CYP39A1: variants seen among roughly 807,000 people sequenced by gnomAD.
The protein encoded by CYP39A1 is 24-hydroxycholesterol 7-alpha-hydroxylase.
CYP39A1 carries 49 observed loss-of-function variants against 58.1 expected under a neutral mutation model. The observed-to-expected ratio is 0.84, with a 90% CI of 0.67 to 1.07. The LOEUF is 1.07. CYP39A1 is among the 50% of genes least tolerant of loss of function. CYP39A1 has a pLI of 0.00. For missense variants in CYP39A1, 531 were observed against 539.4 expected (o/e 0.98, Z 0.16); for synonymous variants, 209 against 187.6 (o/e 1.11, Z -0.93).
intron 6 of CYP39A1, among the ~76,000 whole-genome samples, chr6:46,628,831 C>T (rs889402619): frequency 1.2e-4 from 19 of 152,230 alleles, no homozygotes; most frequent in African/African-American, 3.4e-4. Context: ...TCAGTATTAA[C>T]GGGCCATTGA....
chr6:46,630,568 T>C (rs1363938322), intron 6 of CYP39A1, among the ~76,000 whole-genome samples: 1 of 152,124 alleles, frequency 6.6e-6, no homozygotes, highest in Non-Finnish European at 1.5e-5. Flanking sequence ...CCTGAAACTA[T>C]CCATTTACTT....
chr6:46,614,901 T>A (rs890483910), intron 7 of CYP39A1, among the ~76,000 whole-genome samples: 4 of 152,184 alleles, frequency 2.6e-5, no homozygotes, highest in Non-Finnish European at 4.4e-5. Flanking sequence ...TCAAGTGCAT[T>A]GTGGCCACTG....
At chr6:46,639,325 G>A (rs1776181776) in intron 3 of CYP39A1, among the ~76,000 whole-genome samples, 169 bp downstream of exon 3, 2 of 134,634 alleles carry the variant, frequency 1.5e-5, no homozygotes, top group South Asian at 4.6e-4. Flanking sequence ...GACAGAGCGA[G>A]ACTCTATCTC....
intron 8 of CYP39A1, among the ~76,000 whole-genome samples, chr6:46,593,403 G>A (rs927258968): frequency 2.0e-5 from 3 of 151,950 alleles, no homozygotes; most frequent in Admixed American, 2.0e-4. Context: ...TTAAAAGACC[G>A]TGGAAGAGCT....
intron 10 of CYP39A1, among the ~76,000 whole-genome samples, chr6:46,557,768 C>T (rs1770731863): frequency 6.6e-6 from 1 of 150,994 alleles, no homozygotes; most frequent in Admixed American, 6.6e-5. Flanking sequence ...GAAATCCCAT[C>T]TCTACTAAAA....
intron 11 of CYP39A1, among the ~76,000 whole-genome samples, chr6:46,553,063 A>G (rs935758124): frequency 1.3e-4 from 11 of 84,882 alleles, no homozygotes; most frequent in African/African-American, 4.8e-4. Flanking sequence ...ATAAAAAACA[A>G]CCCCCCAACC....
chr6:46,631,561 T>C (rs1282958937), intron 5 of CYP39A1, among the ~76,000 whole-genome samples: 2 of 152,206 alleles, frequency 1.3e-5, no homozygotes, highest in African/African-American at 2.4e-5. Context: ...CCCTGTCTTA[T>C]AAACCTCTGC....
chr6:46,558,442 C>T (rs1770775312), intron 10 of CYP39A1, among the ~76,000 whole-genome samples: 2 of 152,036 alleles, frequency 1.3e-5, no homozygotes, highest in Admixed American at 1.3e-4. Context: ...CATCATATCT[C>T]GTGAGAACTC....
At chr6:46,603,127 G>T (rs990652641) in intron 7 of CYP39A1, among the ~76,000 whole-genome samples, 4 of 152,080 alleles carry the variant, frequency 2.6e-5, no homozygotes, top group African/African-American at 7.2e-5. Context: ...CATAGCATAG[G>T]GTATGAGTTG....
At chr6:46,591,260 T>C (rs1448901374) in intron 8 of CYP39A1, among the ~76,000 whole-genome samples, 1 of 152,128 alleles carries the variant, frequency 6.6e-6, no homozygotes, top group Non-Finnish European at 1.5e-5. Context: ...ACTTTTATGT[T>C]CTGTCCTGAT....
chr6:46,634,221 A>G (rs1775826828), intron 5 of CYP39A1, among the ~76,000 whole-genome samples: 1 of 152,072 alleles, frequency 6.6e-6, no homozygotes, highest in Non-Finnish European at 1.5e-5. Context: ...TACAAAGGGA[A>G]GTTTCCCCAC....
chr6:46,571,760 T>G (rs560257323), intron 10 of CYP39A1, among the ~76,000 whole-genome samples: 1 of 152,084 alleles, frequency 6.6e-6, no homozygotes, highest in Admixed American at 6.6e-5. Context: ...AACTCACTAT[T>G]GCCATTTTGT....
intron 10 of CYP39A1, among the ~76,000 whole-genome samples, chr6:46,569,351 GGATT>G (rs1662359816): frequency 6.6e-6 from 1 of 151,932 alleles, no homozygotes; most frequent in African/African-American, 2.4e-5. Context: ...TTTCCAATTT[GGATT>G]TCTTTTATTT....
intron 7 of CYP39A1, among the ~76,000 whole-genome samples, chr6:46,600,397 A>G (rs1773417294): frequency 6.6e-6 from 1 of 152,052 alleles, no homozygotes; most frequent in African/African-American, 2.4e-5. Flanking sequence ...TTGGTATTAC[A>G]GGTGTGAGCC....
At chr6:46,608,296 G>A (rs903579175) in intron 7 of CYP39A1, among the ~76,000 whole-genome samples, 3 of 152,140 alleles carry the variant, frequency 2.0e-5, no homozygotes, top group African/African-American at 7.2e-5. Flanking sequence ...AACTGTAACT[G>A]TTCAGATTTC....
At chr6:46,575,599 TC>T (rs1706440157) in intron 10 of CYP39A1, among the ~76,000 whole-genome samples, 1 of 152,132 alleles carries the variant, frequency 6.6e-6, no homozygotes, top group South Asian at 2.1e-4. Context: ...CATCCCCCTG[TC>T]CCCACCTCAC....
At chr6:46,596,191 A>G (rs1373745637) in intron 7 of CYP39A1, 71 bp from the exon 8 acceptor site, 1 of 1,225,352 alleles carries the variant, frequency 8.2e-7, no homozygotes, top group Non-Finnish European at 1.1e-6. Flanking sequence ...TAAGCTCATC[A>G]GCAGAGGTTA....
intron 10 of CYP39A1, among the ~76,000 whole-genome samples, chr6:46,560,139 C>A (rs1770898091): frequency 6.6e-6 from 1 of 151,870 alleles, no homozygotes; most frequent in South Asian, 2.1e-4. Flanking sequence ...TGCAAAAATC[C>A]AGAGTTAGAA....
At chr6:46,608,233 T>C (rs3799876) in intron 7 of CYP39A1, among the ~76,000 whole-genome samples, 58,610 of 152,080 alleles carry the variant, frequency 0.39, 13,751 homozygotes, top group African/African-American at 0.65. Flanking sequence ...ATGACTTCTA[T>C]GCAAAAATAA....
Sources: allele counts gnomAD v4.1 joint callset (sites outside exome capture counted in the v4.1 genomes callset), GRCh38; gene constraint gnomAD v4.1.1; transcripts MANE v1.5; gene names NCBI Gene and HGNC (gene_info 2026-07-23, HGNC 2026-07-21).